Variants in HGF observed in about 807,000 individuals in gnomAD.
HGF encodes the protein fibroblast-derived tumor cytotoxic factor.
In HGF, 39 loss-of-function variants were observed where a neutral mutation model predicts 111.6. The observed-to-expected ratio is 0.35, with a 90% CI of 0.27 to 0.46. The LOEUF is 0.46. Ranked by LOEUF, HGF falls within the 20% of genes least tolerant of loss-of-function variation. The pLI is 1.00. For synonymous variants in HGF, 285 were observed against 294.8 expected (o/e 0.97, Z 0.34); for missense variants, 735 against 910.5 (o/e 0.81, Z 2.48).
chr7:81,720,382 G>T (rs1789821757), intron 10 of HGF, among the ~76,000 whole-genome samples: 1 of 152,110 alleles, frequency 6.6e-6, no homozygotes, highest in African/African-American at 2.4e-5. Flanking sequence ...CACCAGATTT[G>T]CCACTTACTT....
chr7:81,709,960 G>C (rs1789528455), intron 13 of HGF, among the ~76,000 whole-genome samples, 187 bp downstream of exon 13: 1 of 152,104 alleles, frequency 6.6e-6, no homozygotes, highest in Non-Finnish European at 1.5e-5. Flanking sequence ...ACTACCTCTG[G>C]AGGCACAAAT....
intron 8 of HGF, among the ~76,000 whole-genome samples, chr7:81,727,142 G>A (rs1190302139): frequency 4.7e-5 from 7 of 150,256 alleles, no homozygotes; most frequent in African/African-American, 9.8e-5. Context: ...CCAGGTTCAC[G>A]CCATTCTCCT....
chr7:81,732,782 A>C (rs1787708469), intron 7 of HGF, among the ~76,000 whole-genome samples: 1 of 152,182 alleles, frequency 6.6e-6, no homozygotes, highest in Non-Finnish European at 1.5e-5. Flanking sequence ...GATAAAGGCT[A>C]AACATATTCC....
intron 6 of HGF, 114 bp downstream of exon 6, chr7:81,744,886 G>T: frequency 1.7e-6 from 2 of 1,178,280 alleles, no homozygotes; most frequent in Non-Finnish European, 2.5e-6. Flanking sequence ...TAAATGTTAT[G>T]TTCATGTCCT....
chr7:81,745,071 A>G lies in HGF; in HGVS notation c.675T>C (p.His225=), dbSNP rs1788180928. 2 of 1,613,920 alleles carry G rather than the reference A, an allele frequency of 1.2e-6. No homozygotes were observed. The highest frequency in any genetic ancestry group is 4.5e-5 in the East Asian group (2 of 44,850). ...NGESYRGLMD[H]TESGKICQRW... The stretch of plus-strand genomic sequence containing the variant: ...GCTGACAAATCTTGCCTGATTCTGT[A>G]TGATCCATGAGACCTCGATAACTCT... The change falls in exon 6 of 18, where the codon CAT becomes CAC. Residue 225 remains histidine (H), a synonymous_variant. Transcript: ENST00000222390.
At chr7:81,743,251 A>G (rs1345770258) in intron 7 of HGF, 102 bp downstream of exon 7, 6 of 813,358 alleles carry the variant, frequency 7.4e-6, no homozygotes, top group Non-Finnish European at 1.1e-5. Flanking sequence ...GCACACATTA[A>G]AGCATCAAGT....
chr7:81,702,551 T>C lies in HGF; in HGVS notation c.*30A>G. On this transcript the variant is annotated 3_prime_UTR_variant, in exon 18 of 18. Transcript: ENST00000222390. ...ATCTTCATGTAAAAGACAGTTGTAT[T>C]GGTGGGTGCTTCAGACACACTTACT... is the stretch of plus-strand genomic sequence containing the variant. The C allele has an allele frequency of 1.3e-6, 2 of 1,552,170 alleles. No individual in the cohort carries two copies. Among genetic ancestry groups the C allele is most frequent in the South Asian group, 1.1e-5 (1 of 89,622 alleles).
chr7:81,736,042 G>A (rs935167030), intron 7 of HGF, among the ~76,000 whole-genome samples: 1 of 151,996 alleles, frequency 6.6e-6, no homozygotes, highest in Non-Finnish European at 1.5e-5. Flanking sequence ...TGGATTTGGT[G>A]GGAGACACAA....
At chr7:81,755,496 G>C (rs1015670007) in intron 4 of HGF, 1 of 152,264 alleles carries the variant, frequency 6.6e-6, no homozygotes, top group African/African-American at 2.4e-5. Context: ...ATTGGACTAG[G>C]AAGCCAGTTC....
At chr7:81,705,288 G>A in intron 17 of HGF, 102 bp downstream of exon 17, 2 of 1,083,160 alleles carry the variant, frequency 1.8e-6, no homozygotes, top group South Asian at 2.5e-5. Flanking sequence ...AGAATAGGTT[G>A]GTATACAATA....
intron 12 of HGF, among the ~76,000 whole-genome samples, chr7:81,710,449 A>G (rs1033703760): frequency 1.3e-5 from 2 of 152,182 alleles, no homozygotes; most frequent in African/African-American, 4.8e-5. Context: ...GAAGTTGAGT[A>G]ACTCAGAAAA....
At chr7:81,747,423 G>A (rs1330789703) in intron 5 of HGF, among the ~76,000 whole-genome samples, 2 of 152,208 alleles carry the variant, frequency 1.3e-5, no homozygotes, top group Admixed American at 1.3e-4. Flanking sequence ...TTGAATAGAT[G>A]AGAGTTGGAT....
chr7:81,728,967 A>G (rs1485400746), intron 8 of HGF, among the ~76,000 whole-genome samples: 1 of 152,248 alleles, frequency 6.6e-6, no homozygotes, highest in Non-Finnish European at 1.5e-5. Context: ...TGTCTGCAAA[A>G]GTCAAATGGT....
At chr7:81,760,598 A>T (rs951154517) in intron 2 of HGF, among the ~76,000 whole-genome samples, 1 of 152,074 alleles carries the variant, frequency 6.6e-6, no homozygotes, top group Non-Finnish European at 1.5e-5. Flanking sequence ...CCCTAAGTTC[A>T]TAGTATCATA....
chr7:81,767,860 T>C (rs554049935), intron 1 of HGF, among the ~76,000 whole-genome samples: 3 of 152,144 alleles, frequency 2.0e-5, no homozygotes, highest in Non-Finnish European at 2.9e-5. Context: ...ATATTAAATG[T>C]CATTTAAAAA....
At position 81,699,330 on chromosome 7, in the gene HGF, A is replaced by G. The variant is rs1789221390; in HGVS notation, c.*3251T>C. On this transcript the variant is annotated 3_prime_UTR_variant, in exon 18 of 18. Coordinates refer to ENST00000222390, the MANE Select transcript of HGF (RefSeq NM_000601.6). The stretch of plus-strand genomic sequence containing the variant: ...ATTTTAACTTTTTTTGTATTAGTAA[A>G]TTCTTAGCTCCAACCTTAGTTGAAT... The G allele has an allele frequency of 6.6e-6, 1 of 151,584 alleles. No individual in the cohort carries two copies. Among genetic ancestry groups the G allele is most frequent in the South Asian group, 2.1e-4 (1 of 4,836 alleles). 9.4% of individuals were successfully genotyped at this position (151,584 alleles called of 1,614,324 possible).
At chr7:81,737,901 A>G (rs1358241737) in intron 7 of HGF, among the ~76,000 whole-genome samples, 1 of 152,164 alleles carries the variant, frequency 6.6e-6, no homozygotes, top group Non-Finnish European at 1.5e-5. Context: ...ACTGATCTAA[A>G]TACTCAGTGT....
chr7:81,734,400 G>A (rs1230857670), intron 7 of HGF, among the ~76,000 whole-genome samples: 2 of 152,012 alleles, frequency 1.3e-5, no homozygotes, highest in Non-Finnish European at 2.9e-5. Context: ...ATTTGCTATC[G>A]AAATTTTTCA....
intron 9 of HGF, among the ~76,000 whole-genome samples, chr7:81,722,568 T>C (rs1328135638): frequency 6.6e-6 from 1 of 151,538 alleles, no homozygotes; most frequent in African/African-American, 2.4e-5. Flanking sequence ...ATCTCAGCAC[T>C]TTGGGAGGAT....
Sources: allele counts gnomAD v4.1 joint callset (sites outside exome capture counted in the v4.1 genomes callset), GRCh38; gene constraint gnomAD v4.1.1; transcripts MANE v1.5; gene names NCBI Gene and HGNC (gene_info 2026-07-23, HGNC 2026-07-21).